Variants in LDHC observed in about 807,000 individuals in gnomAD.
LDHC encodes L-lactate dehydrogenase C chain.
A neutral mutation model predicts 30.2 loss-of-function variants in LDHC; 20 were observed. The ratio of observed to expected loss-of-function variants is 0.66; its 90% CI spans 0.47 to 0.96. LDHC has a LOEUF of 0.96. Among genes scored for constraint, LDHC ranks in the 40% least tolerant of loss-of-function variants. The probability of loss-of-function intolerance (pLI) is 0.00; values close to 1 mark genes in which losing one functional copy is unlikely to be tolerated. For synonymous variants in LDHC, 139 were observed against 132.7 expected, an observed-to-expected ratio of 1.05 and a Z score of -0.32; for missense variants, 362 against 394.9, an observed-to-expected ratio of 0.92 and a Z score of 0.71.
At position 18,415,269 on chromosome 11, in the gene LDHC, T is replaced by A; in HGVS notation, c.212T>A (p.Phe71Tyr). The A allele has an allele frequency of 6.3e-7, 1 of 1,592,072 alleles. No individual in the cohort carries two copies. The highest frequency in any genetic ancestry group is 8.6e-7 in the Non-Finnish European group (1 of 1,160,976). Residue 71 changes from phenylalanine to tyrosine, a missense_variant, in exon 3 of 8, where the codon TTC becomes TAC. Phe to Tyr is a conservative substitution (Grantham distance 22). Transcript: ENST00000541669. ...EMMDLQHGSL[F>Y]FSTSKITSGK... ...ATGGATCTTCAGCATGGCAGTCTTTTCTTTAGTACTTCAAAGATTACTTCT... is the reference window on the plus strand; with the variant it reads ...ATGGATCTTCAGCATGGCAGTCTTTACTTTAGTACTTCAAAGATTACTTCT...
intron 3 of LDHC, among the ~76,000 whole-genome samples, chr11:18,418,407 A>C (rs181993458): frequency 7.0e-4 from 106 of 150,708 alleles, no homozygotes; most frequent in Non-Finnish European, 8.3e-4. Flanking sequence ...AAATGGAGTC[A>C]AATTAAAAGA....
At chr11:18,444,201 C>T (rs368880324) in intron 6 of LDHC, among the ~76,000 whole-genome samples, 11 of 152,168 alleles carry the variant, frequency 7.2e-5, no homozygotes, top group African/African-American at 2.4e-4. Flanking sequence ...TCTTTTACAC[C>T]AGCAATTTTA....
At chr11:18,423,858 C>G (rs1848110670) in intron 3 of LDHC, among the ~76,000 whole-genome samples, 1 of 152,002 alleles carries the variant, frequency 6.6e-6, no homozygotes, top group Non-Finnish European at 1.5e-5. Context: ...AAAAAATGCA[C>G]AGCTCAATAG....
rs1162806617 is a variant in LDHC, at chr11:18,438,385, G to A, written c.593-143G>A. 5.0e-6 allele frequency: 3 copies of A among 597,682 alleles called. 1 individual carries two copies. Among genetic ancestry groups the A allele is most frequent in the Middle Eastern group, 6.3e-4 (2 of 3,198 alleles). 37.0% of individuals were successfully genotyped at this position (597,682 alleles called of 1,614,324 possible). A position where few individuals can be genotyped will look rare whatever the true frequency, so the allele number is the denominator to read the frequency against. On this transcript the variant is annotated intron_variant, in intron 5 of 7. Coordinates refer to ENST00000541669, the MANE Select transcript of LDHC (RefSeq NM_017448.5). ...GACACTTCCCACCCCCAACACTAGC[G>A]GTTACATTTCAACATGAGATTTGGA...
chr11:18,415,378 A>G (rs1866992114), intron 3 of LDHC, 77 bp downstream of exon 3: 1 of 742,442 alleles, frequency 1.3e-6, no homozygotes, highest in East Asian at 2.7e-5. Context: ...ATGTCAATAA[A>G]TATAAAATTA....
chr11:18,431,224 CCTAAGGCA>C (rs1848259915), intron 4 of LDHC, among the ~76,000 whole-genome samples: 1 of 151,974 alleles, frequency 6.6e-6, no homozygotes, highest in African/African-American at 2.4e-5. Context: ...ACTTTGGGAG[CCTAAGGCA>C]GGTGGATCAC....
At chr11:18,448,691 A>G (rs1848598049) in intron 7 of LDHC, among the ~76,000 whole-genome samples, 1 of 150,058 alleles carries the variant, frequency 6.7e-6, no homozygotes, top group Non-Finnish European at 1.5e-5. Context: ...ACTACTTCAC[A>G]TTTTCACCAA....
chr11:18,416,034 C>T (rs1225887017), intron 3 of LDHC, among the ~76,000 whole-genome samples: 1 of 152,086 alleles, frequency 6.6e-6, no homozygotes, highest in East Asian at 1.9e-4. Context: ...TTAAAAAGAA[C>T]ACTTCGATAT....
At chr11:18,426,355 C>T (rs1290576457) in intron 3 of LDHC, among the ~76,000 whole-genome samples, 3 of 151,834 alleles carry the variant, frequency 2.0e-5, no homozygotes, top group Non-Finnish European at 2.9e-5. Context: ...GGCAAAAGCC[C>T]GTTTCTACTA....
At chr11:18,415,552 CT>C (rs1867001681) in intron 3 of LDHC, among the ~76,000 whole-genome samples, 1 of 152,176 alleles carries the variant, frequency 6.6e-6, no homozygotes, top group African/African-American at 2.4e-5. Context: ...CTGCCTCGGT[CT>C]CCTGTGTAGC....
chr11:18,433,379 C>G (rs544447501), intron 4 of LDHC, among the ~76,000 whole-genome samples: 2 of 150,376 alleles, frequency 1.3e-5, no homozygotes, highest in South Asian at 4.2e-4. Context: ...GAGCAAGACT[C>G]CATCTCAAAA....
At chr11:18,417,239 C>T (rs1020399875) in intron 3 of LDHC, among the ~76,000 whole-genome samples, 2 of 151,860 alleles carry the variant, frequency 1.3e-5, no homozygotes, top group African/African-American at 4.8e-5. Flanking sequence ...AACTCCTGGG[C>T]TGAAGGGGTC....
At chr11:18,441,035 A>G (rs542219247) in intron 6 of LDHC, among the ~76,000 whole-genome samples, 1 of 152,012 alleles carries the variant, frequency 6.6e-6, no homozygotes, top group Non-Finnish European at 1.5e-5. Flanking sequence ...TTGAGATGGG[A>G]GGATTACTTG....
In LDHC at chr11:18,412,347, C is replaced by T. The variant is rs990701856; in HGVS notation, c.-71C>T. 17 of 169,286 alleles carry T rather than the reference C, an allele frequency of 1.0e-4. No individual in the cohort carries two copies. The South Asian group carries it at 1.8e-3, about 18-fold the overall frequency. 10.5% of individuals were successfully genotyped at this position (169,286 alleles called of 1,614,324 possible). On this transcript the variant is annotated 5_prime_UTR_variant, in exon 1 of 8. Coordinates refer to ENST00000541669, the MANE Select transcript of LDHC (RefSeq NM_017448.5). The stretch of plus-strand genomic sequence containing the variant: ...CGCACGGAGGGCAACCGTCGACGGG[C>T]TTAGCGCCTCAACTGTCGTTGGTGT...
chr11:18,417,152 G>C (rs1482239291), intron 3 of LDHC, among the ~76,000 whole-genome samples: 3 of 152,088 alleles, frequency 2.0e-5, no homozygotes, highest in Non-Finnish European at 2.9e-5. Flanking sequence ...CCAAAGTGCT[G>C]GGATTACAGG....
chr11:18,434,864 C>G lies in LDHC; in HGVS notation c.543C>G (p.His181Gln). ...RYLIGEKLGV[H>Q]PTSCHGWIIG... is the part of the protein sequence containing the mutation. ...TAATTGGAGAAAAGTTGGGTGTCCACCCCACAAGCTGCCATGGTTGGATTA... is the reference window on the plus strand; with the variant it reads ...TAATTGGAGAAAAGTTGGGTGTCCAGCCCACAAGCTGCCATGGTTGGATTA... The change falls in exon 5 of 8, where the codon CAC becomes CAG. Residue 181 changes from histidine (H) to glutamine (Q), a missense_variant. Coordinates refer to ENST00000541669, the MANE Select transcript of LDHC (RefSeq NM_017448.5). The G allele has an allele frequency of 6.2e-7, 1 of 1,613,242 alleles. No individual in the cohort carries two copies. The highest frequency in any genetic ancestry group is 1.1e-5 in the South Asian group (1 of 91,048).
chr11:18,424,754 TCC>T (rs1240271089), intron 3 of LDHC, among the ~76,000 whole-genome samples: 2 of 152,206 alleles, frequency 1.3e-5, no homozygotes, highest in African/African-American at 4.8e-5. Flanking sequence ...ACGCCTGTAA[TCC>T]TAGCACTTTG....
At position 18,440,280 on chromosome 11, in the gene LDHC, C is replaced by G. The variant is rs933680867; in HGVS notation, c.710+1635C>G. Among the ~76,000 whole-genome samples, 5 of 151,506 alleles carry G rather than the reference C, an allele frequency of 3.3e-5. No homozygotes were observed. In the East Asian group the frequency reaches 7.8e-4, roughly 24 times the overall value. On this transcript the variant is annotated intron_variant, in intron 6 of 7. Coordinates refer to ENST00000541669, the MANE Select transcript of LDHC (RefSeq NM_017448.5). The stretch of plus-strand genomic sequence containing the variant: ...AGTGAGCCAAGATCACACCAGTGCA[C>G]TCCAGCCTGGCAACAGAGCAAGACT...
chr11:18,443,558 C>G (rs1414469567), intron 6 of LDHC, among the ~76,000 whole-genome samples: 1 of 151,108 alleles, frequency 6.6e-6, no homozygotes, highest in Non-Finnish European at 1.5e-5. Flanking sequence ...CTCCCAGGCT[C>G]AAGCCATCCT....
Sources: gnomAD v4.1 joint callset for allele counts (sites outside exome capture counted in the v4.1 genomes callset) on GRCh38, gnomAD v4.1.1 for gene constraint, MANE v1.5 for transcripts, NCBI Gene and HGNC (gene_info 2026-07-23, HGNC 2026-07-21) for gene names.